Variants in IL1RAPL2 observed in about 807,000 individuals in gnomAD.
IL1RAPL2 encodes X-linked interleukin-1 receptor accessory protein-like 2.
Under a neutral mutation model 44.1 loss-of-function variants are expected in IL1RAPL2, and 3 were observed. That is an observed-to-expected ratio of 0.07 (90% CI 0.03 to 0.18). IL1RAPL2 has a LOEUF of 0.18. Ranked by LOEUF, IL1RAPL2 falls within the 10% of genes least tolerant of loss-of-function variation. The probability of loss-of-function intolerance (pLI) is 1.00; values close to 1 mark genes in which losing one functional copy is unlikely to be tolerated. For missense variants in IL1RAPL2, 391 were observed against 496.4 expected (o/e 0.79, Z 2.02); for synonymous variants, 181 against 178.8 (o/e 1.01, Z -0.10).
intron 5 of IL1RAPL2, among the ~76,000 whole-genome samples, chrX:105,478,554 TA>T (rs201176266): frequency 1.8e-5 from 2 of 109,512 alleles, no homozygotes; most frequent in Middle Eastern, 4.7e-3. Context: ...GAAAACATAT[TA>T]AAAAAAAACA....
In IL1RAPL2 at chrX:104,944,594, T is replaced by G. The variant is rs1221661300; in HGVS notation, c.83-250881T>G. Among the ~76,000 whole-genome samples, 4 of 111,915 alleles carry G rather than the reference T, an allele frequency of 3.6e-5. No homozygotes were observed. The Admixed American group carries it at 3.8e-4, about 11-fold the overall frequency. ...CATTAGTCTAAATTTTACATTTAAT[T>G]TATGAGGACAATGCTGCCTCCTTAG... On this transcript the variant is annotated intron_variant, in intron 2 of 10. Transcript: ENST00000372582.
intron 5 of IL1RAPL2, among the ~76,000 whole-genome samples, chrX:105,353,418 T>A (rs139670891): frequency 0.073 from 8,118 of 111,292 alleles, 760 homozygotes; most frequent in African/African-American, 0.25. Context: ...ACGCGGGCTC[T>A]TTTTTGGTTC....
intron 2 of IL1RAPL2, among the ~76,000 whole-genome samples, chrX:105,072,521 G>C (rs2032221132): frequency 9.0e-6 from 1 of 111,408 alleles, no homozygotes; most frequent in African/African-American, 3.3e-5. Flanking sequence ...GAGATTTGCT[G>C]AATGGTTTTG....
intron 2 of IL1RAPL2, among the ~76,000 whole-genome samples, chrX:104,777,643 C>T (rs908606584): frequency 1.9e-5 from 2 of 107,788 alleles, no homozygotes; most frequent in Admixed American, 2.0e-4. Context: ...GTAGTGTAAT[C>T]TCACCTCACT....
chrX:105,767,482 A>G lies in IL1RAPL2; in HGVS notation c.1882A>G (p.Thr628Ala), dbSNP rs918649041. 1 of 1,211,795 alleles carries G rather than the reference A, an allele frequency of 8.3e-7. No individual in the cohort carries two copies. The highest frequency in any genetic ancestry group is 1.1e-6 in the Non-Finnish European group (1 of 895,532). Residue 628 changes from threonine to alanine, a missense_variant, in exon 11 of 11, where the codon ACG becomes GCG. Thr to Ala is a moderately conservative substitution (Grantham distance 58, BLOSUM62 0). Transcript: ENST00000372582. ...CRGYKHEIPA[T>A]TLPVPSLGNH... ...AGGTTATAAACATGAGATACCAGCC[A>G]CGACCTTGCCAGTACCTTCCTTAGG...
intron 2 of IL1RAPL2, among the ~76,000 whole-genome samples, chrX:104,693,257 C>T (rs186844961): frequency 9.0e-6 from 1 of 111,454 alleles, no homozygotes; most frequent in African/African-American, 3.3e-5. Flanking sequence ...AAAACTGGAC[C>T]ATTCAAAGAT....
intron 6 of IL1RAPL2, among the ~76,000 whole-genome samples, chrX:105,612,852 G>T (rs373225651): frequency 2.7e-5 from 3 of 112,005 alleles, no homozygotes; most frequent in East Asian, 5.7e-4. Flanking sequence ...TTGAGCTTTG[G>T]CAAGCCTCGC....
At chrX:105,114,953 T>C (rs1227198645) in intron 2 of IL1RAPL2, among the ~76,000 whole-genome samples, 1 of 111,955 alleles carries the variant, frequency 8.9e-6, no homozygotes, top group Non-Finnish European at 1.9e-5. Flanking sequence ...ATATAGTACC[T>C]GGCACATGAT....
At chrX:104,922,204 C>G (rs747682427) in intron 2 of IL1RAPL2, among the ~76,000 whole-genome samples, 1 of 112,522 alleles carries the variant, frequency 8.9e-6, no homozygotes, top group Non-Finnish European at 1.9e-5. Context: ...CTAGTACTTC[C>G]CCCATCAACA....
chrX:105,520,518 T>C (rs1446274144), intron 6 of IL1RAPL2, among the ~76,000 whole-genome samples: 1 of 111,977 alleles, frequency 8.9e-6, no homozygotes, highest in Non-Finnish European at 1.9e-5. Flanking sequence ...TTATCCAGTT[T>C]TAAACTACAC....
intron 5 of IL1RAPL2, among the ~76,000 whole-genome samples, chrX:105,407,914 G>A (rs1247535961): frequency 1.8e-5 from 2 of 112,051 alleles, no homozygotes; most frequent in African/African-American, 6.5e-5. Flanking sequence ...AGCATAGGAA[G>A]ATACTTCAAA....
At chrX:104,690,017 T>C (rs1441672118) in intron 2 of IL1RAPL2, among the ~76,000 whole-genome samples, 3 of 112,194 alleles carry the variant, frequency 2.7e-5, no homozygotes, top group Non-Finnish European at 5.6e-5. Flanking sequence ...GTTGGTATGC[T>C]TGGCTCCAAC....
At chrX:105,459,161 T>G (rs2036076335) in intron 5 of IL1RAPL2, among the ~76,000 whole-genome samples, 1 of 111,756 alleles carries the variant, frequency 8.9e-6, no homozygotes, top group Non-Finnish European at 1.9e-5. Flanking sequence ...AGTTGATTTT[T>G]GAAGTCCTTA....
chrX:105,404,897 C>A (rs2035631632), intron 5 of IL1RAPL2, among the ~76,000 whole-genome samples: 1 of 111,799 alleles, frequency 8.9e-6, no homozygotes, highest in Non-Finnish European at 1.9e-5. Flanking sequence ...ACATAGACAC[C>A]TAGGTTATAT....
At position 105,405,969 on chromosome X, in the gene IL1RAPL2, C is replaced by T. The variant is rs1321205151; in HGVS notation, c.698-78344C>T. 7.5e-6 allele frequency: 9 copies of T among 1,197,808 alleles called. No homozygotes were observed. In the East Asian group the frequency reaches 2.7e-4, roughly 36 times the overall value. ...TGAAGGAGAATCATTTATTGATCCT[C>T]AGACAGATTCTAAGCCTCCTGAGGG... is the stretch of plus-strand genomic sequence containing the variant. On this transcript the variant is annotated intron_variant, in intron 5 of 10. Coordinates refer to ENST00000372582, the MANE Select transcript of IL1RAPL2 (RefSeq NM_017416.2).
At chrX:104,688,821 T>A (rs1931037348) in intron 2 of IL1RAPL2, among the ~76,000 whole-genome samples, 1 of 112,341 alleles carries the variant, frequency 8.9e-6, no homozygotes, top group African/African-American at 3.2e-5. Flanking sequence ...ATTAACTATT[T>A]TAACTTTTTT....
intron 2 of IL1RAPL2, among the ~76,000 whole-genome samples, chrX:105,183,830 T>G (rs1556132247): frequency 9.0e-6 from 1 of 110,805 alleles, no homozygotes; most frequent in Non-Finnish European, 1.9e-5. Flanking sequence ...GCTCCAGGGG[T>G]TTGGAGATGC....
rs2035509938 is a variant in IL1RAPL2 at position 105,390,082 on chromosome X, G to A, written c.698-94231G>A. 4.5e-5 allele frequency among the ~76,000 whole-genome samples: 5 copies of A among 111,488 alleles called. 1 individual carries two copies. ...CTATCTTCAAATCAGTCAAAACAAG[G>A]TTTTTCATTATGTTTCCATGTCTCC... On this transcript the variant is annotated intron_variant, in intron 5 of 10. Transcript: ENST00000372582.
intron 2 of IL1RAPL2, among the ~76,000 whole-genome samples, chrX:104,982,136 A>G (rs762437489): frequency 9.0e-6 from 1 of 111,215 alleles, no homozygotes; most frequent in Non-Finnish European, 1.9e-5. Context: ...GTACCCCATG[A>G]ACCTAAAAGG....
Sources: gnomAD v4.1 joint callset for allele counts (sites outside exome capture counted in the v4.1 genomes callset) on GRCh38, gnomAD v4.1.1 for gene constraint, MANE v1.5 for transcripts, NCBI Gene and HGNC (gene_info 2026-07-23, HGNC 2026-07-21) for gene names.